INTS6: variants seen among roughly 807,000 people sequenced by gnomAD.
INTS6 encodes DEAD box protein.
In INTS6, 16 loss-of-function variants were observed where a neutral mutation model predicts 104.9. The ratio of observed to expected loss-of-function variants is 0.15; its 90% confidence interval spans 0.10 to 0.23. The LOEUF (loss-of-function observed/expected upper bound fraction) is 0.23, where lower values mean the gene tolerates loss of function less well. Ranked by LOEUF, INTS6 falls within the 10% of genes least tolerant of loss-of-function variation. The probability of loss-of-function intolerance (pLI) is 1.00; values close to 1 mark genes in which losing one functional copy is unlikely to be tolerated. For missense variants in INTS6, 584 were observed against 1,062.8 expected (o/e 0.55, Z 6.26); for synonymous variants, 324 against 358.7 (o/e 0.90, Z 1.09).
the INTS6 span, chr13:51,347,043 G>T: frequency 1.3e-6 from 2 of 1,586,168 alleles, no homozygotes; most frequent in Non-Finnish European, 1.7e-6. Context: ...CCCAGTGAGG[G>T]CCCTGGTGGC....
At chr13:51,410,327 G>A (rs1055099739) in intron 4 of INTS6, among the ~76,000 whole-genome samples, 6 of 152,096 alleles carry the variant, frequency 3.9e-5, no homozygotes, top group African/African-American at 1.4e-4. Context: ...TTCAAAACTC[G>A]TTATAAAACC....
At chr13:51,402,408 C>A (rs1956456103) in intron 4 of INTS6, 2 of 152,098 alleles carry the variant, frequency 1.3e-5, no homozygotes, top group South Asian at 4.1e-4. Flanking sequence ...ACTGAATAAA[C>A]CATGTGTGAT....
At chr13:51,403,497 G>A (rs369937118) in intron 4 of INTS6, among the ~76,000 whole-genome samples, 1 of 150,428 alleles carries the variant, frequency 6.6e-6, no homozygotes, top group Admixed American at 6.6e-5. Context: ...CAGAAGAATC[G>A]CTTGAACCCA....
intron 4 of INTS6, among the ~76,000 whole-genome samples, chr13:51,405,292 G>A (rs997743755): frequency 1.3e-5 from 2 of 152,174 alleles, no homozygotes; most frequent in African/African-American, 4.8e-5. Context: ...TTAAGGATGG[G>A]TTGGATTTTA....
the INTS6 span, among the ~76,000 whole-genome samples, chr13:51,335,204 G>A: frequency 6.6e-6 from 1 of 152,022 alleles, no homozygotes; most frequent in African/African-American, 2.4e-5. Context: ...AAGACATCAT[G>A]AAGAGAGTAA....
At chr13:51,408,523 T>C (rs1442539056) in intron 4 of INTS6, among the ~76,000 whole-genome samples, 1 of 152,162 alleles carries the variant, frequency 6.6e-6, no homozygotes, top group East Asian at 1.9e-4. Context: ...AGGAAAAGCT[T>C]TGAATCATTT....
In INTS6 at chr13:51,368,921, G is replaced by C; in HGVS notation, c.2476+18C>G. 6.5e-7 allele frequency: 1 copy of C among 1,530,948 alleles called. No homozygotes were observed. The highest frequency in any genetic ancestry group is 8.8e-7 in the Non-Finnish European group (1 of 1,140,580). The allele number at this position is 1,530,948 out of a possible 1,614,324, so 94.8% of individuals were successfully genotyped here. On this transcript the variant is annotated intron_variant, in intron 16 of 17. Transcript: ENST00000311234. ...CATACAGAAATCAGATCTGAGGTTC[G>C]TCTCTTATTATACATACTTCTTCCT...
chr13:51,395,864 C>T (rs1039515581), intron 4 of INTS6, among the ~76,000 whole-genome samples: 3 of 152,190 alleles, frequency 2.0e-5, no homozygotes, highest in African/African-American at 7.2e-5. Context: ...GAGGCACGAT[C>T]TTGGCTCATT....
chr13:51,356,270 C>G (rs1955480313), intron 3 of INTS6, among the ~76,000 whole-genome samples: 1 of 151,932 alleles, frequency 6.6e-6, no homozygotes, highest in African/African-American at 2.4e-5. Context: ...TTGACTTGGT[C>G]AAATGACTCA....
the INTS6 span, among the ~76,000 whole-genome samples, chr13:51,336,955 C>A: frequency 6.6e-6 from 1 of 152,256 alleles, no homozygotes; most frequent in East Asian, 1.9e-4. Context: ...GGAAGCCCAG[C>A]GGCAGCGCTT....
intron 4 of INTS6, among the ~76,000 whole-genome samples, chr13:51,405,769 A>G (rs560276893): frequency 6.6e-6 from 1 of 152,342 alleles, no homozygotes; most frequent in South Asian, 2.1e-4. Flanking sequence ...GAAAACTGGC[A>G]GCACCAAAGC....
At chr13:51,339,292 T>C in the INTS6 span, 1 of 152,208 alleles carries the variant, frequency 6.6e-6, no homozygotes, top group Non-Finnish European at 1.5e-5. Flanking sequence ...CAATGACTGA[T>C]TTATTGTTTT....
At chr13:51,451,347 A>G in intron 2 of INTS6, 173 bp from the exon 3 acceptor site, 2 of 423,730 alleles carry the variant, frequency 4.7e-6, no homozygotes, top group Non-Finnish European at 8.1e-6. Context: ...TGGCCCAGGA[A>G]TAACCCAGCT....
chr13:51,364,561 A>T lies in INTS6; in HGVS notation c.*1191T>A. ...ATGAATGGTGAGTGAGTCAGGCCAT[A>T]AGATTGCTTCCTCAGTACGGATACT... is the stretch of plus-strand genomic sequence containing the variant. On this transcript the variant is annotated 3_prime_UTR_variant, in exon 18 of 18. Transcript: ENST00000311234. 1 of 308,406 alleles carries T rather than the reference A, an allele frequency of 3.2e-6. No individual in the cohort carries two copies. The highest frequency in any genetic ancestry group is 5.9e-6 in the Non-Finnish European group (1 of 169,586). 19.1% of individuals were successfully genotyped at this position (308,406 alleles called of 1,614,324 possible).
At chr13:51,407,046 A>G (rs115173846) in intron 4 of INTS6, among the ~76,000 whole-genome samples, 3 of 151,856 alleles carry the variant, frequency 2.0e-5, no homozygotes, top group African/African-American at 7.2e-5. Context: ...GCCTTCTTTC[A>G]GTTCTTCATT....
chr13:51,408,336 G>A (rs1339170486), intron 4 of INTS6, among the ~76,000 whole-genome samples: 1 of 151,834 alleles, frequency 6.6e-6, no homozygotes, highest in Non-Finnish European at 1.5e-5. Context: ...GTAGAGACGG[G>A]GTTTCACTAT....
intron 4 of INTS6, among the ~76,000 whole-genome samples, chr13:51,419,698 AACTTC>A (rs1205735637): frequency 1.3e-5 from 2 of 152,200 alleles, no homozygotes; most frequent in African/African-American, 4.8e-5. Context: ...CCTGCATCTG[AACTTC>A]ACTACTGTTC....
At chr13:51,403,158 TAAAAG>T (rs940581190) in intron 4 of INTS6, among the ~76,000 whole-genome samples, 13 of 152,280 alleles carry the variant, frequency 8.5e-5, no homozygotes, top group African/African-American at 3.1e-4. Context: ...TAAAAAAAGA[TAAAAG>T]AAGTTTATTT....
At position 51,389,356 on chromosome 13, in the gene INTS6, G is replaced by A. The variant is rs1956204845; in HGVS notation, c.702C>T (p.Asn234=). Reference sequence around the variant, plus strand: ...AAGGATCTGGTCCTGCTTTTTCAAAGTTTATTACCACCCCACTTTGTACTT... The same window carrying A: ...AAGGATCTGGTCCTGCTTTTTCAAAATTTATTACCACCCCACTTTGTACTT... The part of the protein sequence containing the change: ...VQKVQSGVVI[N]FEKAGPDPSP... Residue 234 remains asparagine, a synonymous_variant, in exon 6 of 18, where the codon AAC becomes AAT. Coordinates refer to ENST00000311234, the MANE Select transcript of INTS6 (RefSeq NM_012141.3). 26 of 1,613,572 alleles carry A rather than the reference G, an allele frequency of 1.6e-5. No individual in the cohort carries two copies. Among genetic ancestry groups the A allele is most frequent in the Non-Finnish European group, 2.0e-5 (24 of 1,179,760 alleles).
Sources: allele counts gnomAD v4.1 joint callset (sites outside exome capture counted in the v4.1 genomes callset), GRCh38; gene constraint gnomAD v4.1.1; transcripts MANE v1.5; gene names NCBI Gene and HGNC (gene_info 2026-07-23, HGNC 2026-07-21).